ENTREP2: variants seen among roughly 807,000 people sequenced by gnomAD.
The protein encoded by ENTREP2 is protein ENTREP2.
the ENTREP2 span, among the ~76,000 whole-genome samples, chr15:29,615,892 A>C: frequency 6.6e-6 from 1 of 152,188 alleles, no homozygotes; most frequent in Non-Finnish European, 1.5e-5. Context: ...GCAGCGTCCA[A>C]TACCACCTTT....
the ENTREP2 span, among the ~76,000 whole-genome samples, chr15:29,403,803 A>G: frequency 6.6e-6 from 1 of 152,130 alleles, no homozygotes; most frequent in Non-Finnish European, 1.5e-5. Context: ...CCCTTCTCGG[A>G]ATTCTTGCCC....
chr15:29,601,495 C>T, the ENTREP2 span, among the ~76,000 whole-genome samples: 1 of 150,226 alleles, frequency 6.7e-6, no homozygotes, highest in Non-Finnish European at 1.5e-5. Context: ...TTTGTCATGA[C>T]CTTTTCCCTC....
the ENTREP2 span, among the ~76,000 whole-genome samples, chr15:29,527,017 C>A: frequency 1.3e-5 from 2 of 152,200 alleles, no homozygotes; most frequent in African/African-American, 4.8e-5. Context: ...TTTGGCCACA[C>A]TTTCCTTCTG....
At chr15:29,297,766 G>A in the ENTREP2 span, among the ~76,000 whole-genome samples, 1 of 152,256 alleles carries the variant, frequency 6.6e-6, no homozygotes, top group Admixed American at 6.5e-5. Flanking sequence ...GCAAAAGTAG[G>A]TAATCAGTGA....
the ENTREP2 span, among the ~76,000 whole-genome samples, chr15:29,347,572 T>G: frequency 1.3e-5 from 2 of 152,198 alleles, no homozygotes; most frequent in Admixed American, 6.5e-5. Flanking sequence ...CAAAGAGACT[T>G]AGGACTTCAG....
At chr15:29,274,766 A>G in the ENTREP2 span, among the ~76,000 whole-genome samples, 1 of 152,212 alleles carries the variant, frequency 6.6e-6, no homozygotes, top group Non-Finnish European at 1.5e-5. Flanking sequence ...TATAAAATAG[A>G]TTAACAGGAG....
chr15:29,610,323 A>G, the ENTREP2 span: 1 of 150,496 alleles, frequency 6.6e-6, no homozygotes, highest in African/African-American at 2.4e-5. Flanking sequence ...CCATTTGGTC[A>G]TATGCCATTT....
the ENTREP2 span, among the ~76,000 whole-genome samples, chr15:29,133,159 G>C: frequency 6.6e-6 from 1 of 152,096 alleles, no homozygotes; most frequent in Non-Finnish European, 1.5e-5. Context: ...TCCTGGGCCT[G>C]CCATCCCCAG....
the ENTREP2 span, among the ~76,000 whole-genome samples, chr15:29,664,434 A>G: frequency 1.4e-5 from 2 of 145,408 alleles, no homozygotes; most frequent in Non-Finnish European, 3.0e-5. Flanking sequence ...GAGACTCTTT[A>G]TTTTTCTCTC....
chr15:29,619,904 A>T, the ENTREP2 span, among the ~76,000 whole-genome samples: 1 of 151,860 alleles, frequency 6.6e-6, no homozygotes, highest in African/African-American at 2.4e-5. Context: ...TCCTCCCATG[A>T]CTCACAGTTT....
chr15:29,479,620 C>CTCTT, the ENTREP2 span, among the ~76,000 whole-genome samples: 1 of 137,746 alleles, frequency 7.3e-6, no homozygotes, highest in African/African-American at 2.9e-5. Flanking sequence ...CTCCCTCCCT[C>CTCTT]TCTTTCTCTC....
chr15:29,312,656 T>TGC, the ENTREP2 span, among the ~76,000 whole-genome samples: 1 of 152,218 alleles, frequency 6.6e-6, no homozygotes, highest in South Asian at 2.1e-4. Flanking sequence ...CCATGAACTG[T>TGC]GCCCATATAA....
the ENTREP2 span, among the ~76,000 whole-genome samples, chr15:29,210,542 G>A: frequency 1.3e-5 from 2 of 152,212 alleles, no homozygotes. Context: ...AACTGTGCAT[G>A]CAAGGGATCT....
chr15:29,270,622 AT>A, the ENTREP2 span, among the ~76,000 whole-genome samples: 1 of 150,952 alleles, frequency 6.6e-6, no homozygotes, highest in Non-Finnish European at 1.5e-5. Flanking sequence ...GAGCTCTTAA[AT>A]TTCTTAATTC....
chr15:29,663,149 G>A, the ENTREP2 span, among the ~76,000 whole-genome samples: 1 of 152,154 alleles, frequency 6.6e-6, no homozygotes, highest in Non-Finnish European at 1.5e-5. Flanking sequence ...ACACATGCTT[G>A]GTGTGCTTCA....
the ENTREP2 span, among the ~76,000 whole-genome samples, chr15:29,353,479 A>G: frequency 6.6e-6 from 1 of 152,224 alleles, no homozygotes; most frequent in Non-Finnish European, 1.5e-5. Flanking sequence ...ATGTATACAC[A>G]TAAGCGTATG....
chr15:29,509,012 A>G, the ENTREP2 span, among the ~76,000 whole-genome samples: 1 of 152,356 alleles, frequency 6.6e-6, no homozygotes, highest in Non-Finnish European at 1.5e-5. Context: ...TCATCATCTC[A>G]GCCCAAAAAC....
At chr15:29,123,061 A>C in the ENTREP2 span, 1 of 418,690 alleles carries the variant, frequency 2.4e-6, no homozygotes, top group Non-Finnish European at 4.3e-6. Context: ...GCTGCACGCC[A>C]GATAAAACCA....
At chr15:29,587,331 T>C in the ENTREP2 span, among the ~76,000 whole-genome samples, 6 of 152,066 alleles carry the variant, frequency 3.9e-5, no homozygotes, top group Admixed American at 3.3e-4. Flanking sequence ...TTTGGGATCA[T>C]ACAGGACTGC....
Sources: gnomAD v4.1 joint callset for allele counts (sites outside exome capture counted in the v4.1 genomes callset) on GRCh38, gnomAD v4.1.1 for gene constraint, MANE v1.5 for transcripts, NCBI Gene and HGNC (gene_info 2026-07-23, HGNC 2026-07-21) for gene names.